UVRAG: variants seen among roughly 807,000 people sequenced by gnomAD.
The protein encoded by UVRAG is UV radiation resistance associated, also known as UV radiation resistance-associated gene protein.
A neutral mutation model predicts 78.0 loss-of-function variants in UVRAG; 19 were observed. The observed-to-expected ratio is 0.24, with a 90% CI of 0.17 to 0.36. UVRAG has a LOEUF of 0.36. Among genes scored for constraint, UVRAG ranks in the 10% least tolerant of loss-of-function variants. The probability of loss-of-function intolerance (pLI) is 1.00; values close to 1 mark genes in which losing one functional copy is unlikely to be tolerated. For missense variants in UVRAG, 740 were observed against 853.8 expected (o/e 0.87, Z 1.66); for synonymous variants, 323 against 324.6 (o/e 1.00, Z 0.05).
intron 6 of UVRAG, among the ~76,000 whole-genome samples, chr11:75,950,561 TA>T (rs1443042688): frequency 6.6e-6 from 1 of 152,194 alleles, no homozygotes; most frequent in Non-Finnish European, 1.5e-5. Flanking sequence ...GCCCACATTA[TA>T]CCTGAGAGTG....
chr11:76,006,054 T>A (rs1949931497), intron 9 of UVRAG, among the ~76,000 whole-genome samples: 1 of 152,182 alleles, frequency 6.6e-6, no homozygotes, highest in Middle Eastern at 3.4e-3. Context: ...ATCTCTTGGT[T>A]TTTCTAGTGA....
At chr11:75,848,916 C>G (rs997395360) in intron 1 of UVRAG, among the ~76,000 whole-genome samples, 7 of 152,166 alleles carry the variant, frequency 4.6e-5, no homozygotes, top group Non-Finnish European at 8.8e-5. Flanking sequence ...TGGTGGCTCA[C>G]AACTGTAATC....
At chr11:75,865,009 C>T (rs1257140248) in intron 3 of UVRAG, among the ~76,000 whole-genome samples, 3 of 152,070 alleles carry the variant, frequency 2.0e-5, no homozygotes, top group Non-Finnish European at 4.4e-5. Context: ...AAAAAGAGGC[C>T]GAGTGTGGTG....
At chr11:75,953,924 A>G (rs1339956788) in intron 6 of UVRAG, among the ~76,000 whole-genome samples, 2 of 152,198 alleles carry the variant, frequency 1.3e-5, no homozygotes, top group Non-Finnish European at 1.5e-5. Context: ...TTACTACATG[A>G]TATATATTTC....
chr11:76,053,170 G>A, intron 12 of UVRAG, among the ~76,000 whole-genome samples: 1 of 151,788 alleles, frequency 6.6e-6, no homozygotes, highest in East Asian at 1.9e-4. Flanking sequence ...GCTGGGTATG[G>A]TGGTGTACAC....
At chr11:76,008,432 T>A (rs913436352) in intron 10 of UVRAG, among the ~76,000 whole-genome samples, 1 of 152,224 alleles carries the variant, frequency 6.6e-6, no homozygotes, top group Non-Finnish European at 1.5e-5. Context: ...ATTTGATAGT[T>A]TTCTTTTTAA....
intron 5 of UVRAG, among the ~76,000 whole-genome samples, chr11:75,906,653 T>G (rs1184493264): frequency 6.6e-6 from 1 of 152,214 alleles, no homozygotes; most frequent in Non-Finnish European, 1.5e-5. Flanking sequence ...TGGCCAGCTT[T>G]ATGGTTTTAC....
intron 12 of UVRAG, among the ~76,000 whole-genome samples, chr11:76,060,800 G>A (rs187607953): frequency 5.3e-5 from 8 of 152,356 alleles, no homozygotes; most frequent in South Asian, 2.1e-4. Flanking sequence ...CTGCCTCCCC[G>A]TGGGGCAGGG....
At chr11:76,116,415 G>A (rs1057281424) in intron 14 of UVRAG, among the ~76,000 whole-genome samples, 1 of 152,220 alleles carries the variant, frequency 6.6e-6, no homozygotes, top group African/African-American at 2.4e-5. Flanking sequence ...GAGCATTAAA[G>A]GAAGAAAGCA....
At chr11:76,057,852 A>G (rs1217735304) in intron 12 of UVRAG, among the ~76,000 whole-genome samples, 1 of 152,114 alleles carries the variant, frequency 6.6e-6, no homozygotes, top group Non-Finnish European at 1.5e-5. Context: ...ATCATGGGGG[A>G]AAAATAGGGG....
Position 76,049,275 on chromosome 11 carries a change from A to G in UVRAG, c.1227-16435A>G, listed in dbSNP as rs534030401. On this transcript the variant is annotated intron_variant, in intron 12 of 14. Coordinates refer to ENST00000356136, the MANE Select transcript of UVRAG (RefSeq NM_003369.4). ...TTTTCAAAAACTTTCCAAATATTCTACCCACATTTATTTAAGCCCCAAAAG... is the reference window on the plus strand; with the variant it reads ...TTTTCAAAAACTTTCCAAATATTCTGCCCACATTTATTTAAGCCCCAAAAG... 3.9e-5 allele frequency among the ~76,000 whole-genome samples: 6 copies of G among 152,256 alleles called. No homozygotes were observed. The South Asian group carries it at 1.2e-3, about 32-fold the overall frequency.
chr11:75,964,787 T>C (rs559169814), intron 7 of UVRAG, among the ~76,000 whole-genome samples: 147 of 152,302 alleles, frequency 9.7e-4, no homozygotes, highest in African/African-American at 3.3e-3. Context: ...CATTGTTTTG[T>C]ATCACGTACG....
At chr11:75,919,276 T>C (rs1451820906) in intron 6 of UVRAG, among the ~76,000 whole-genome samples, 1 of 152,168 alleles carries the variant, frequency 6.6e-6, no homozygotes, top group African/African-American at 2.4e-5. Context: ...ATTGCAGTTA[T>C]ACAGAATACA....
At position 76,008,811 on chromosome 11, in the gene UVRAG, A is replaced by G; in HGVS notation, c.1004A>G (p.Glu335Gly). Residue 335 changes from glutamate (E) to glycine (G), a missense_variant, in exon 11 of 15, where the codon GAA becomes GGA. Transcript: ENST00000356136. ...ATTCTTTAATTAAATTCACAGAATG[A>G]ACATAAGGATTACTTTGTATGCGGT... ...LSYIYPIDLN[E>G]HKDYFVCGVK... The G allele has an allele frequency of 2.1e-6, 3 of 1,456,212 alleles. No homozygotes were observed. The highest frequency in any genetic ancestry group is 1.4e-5 in the South Asian group (1 of 72,918). The allele number at this position is 1,456,212 out of a possible 1,614,324, so 90.2% of individuals were successfully genotyped here. A position where few individuals can be genotyped will look rare whatever the true frequency, so the allele number is the denominator to read the frequency against.
rs112132674 is a variant in UVRAG, at chr11:76,043,862, C to G, written c.1227-21848C>G. ...GTGTAAGACCTGAGTTAGAATCCAGCTCTTTGTCACCTTAACCCTGGGCAA... is the reference window on the plus strand; with the variant it reads ...GTGTAAGACCTGAGTTAGAATCCAGGTCTTTGTCACCTTAACCCTGGGCAA... On this transcript the variant is annotated intron_variant, in intron 12 of 14. Coordinates refer to ENST00000356136, the MANE Select transcript of UVRAG (RefSeq NM_003369.4). 1.8e-3 allele frequency among the ~76,000 whole-genome samples: 272 copies of G among 152,314 alleles called. 1 individual carries two copies. Among genetic ancestry groups the G allele is most frequent in the African/African-American group, 6.3e-3 (261 of 41,572 alleles).
At chr11:75,891,325 G>A (rs1015349396) in intron 5 of UVRAG, among the ~76,000 whole-genome samples, 4 of 152,198 alleles carry the variant, frequency 2.6e-5, no homozygotes, top group Non-Finnish European at 5.9e-5. Context: ...TTATGGGATT[G>A]CTACTGCTGC....
chr11:76,021,381 C>G (rs998975149), intron 12 of UVRAG, among the ~76,000 whole-genome samples: 1 of 152,152 alleles, frequency 6.6e-6, no homozygotes, highest in Non-Finnish European at 1.5e-5. Flanking sequence ...TCCCCACTTT[C>G]ATTTCTCATT....
intron 12 of UVRAG, among the ~76,000 whole-genome samples, chr11:76,036,080 T>A (rs546079598): frequency 6.6e-6 from 1 of 152,318 alleles, no homozygotes; most frequent in Admixed American, 6.5e-5. Flanking sequence ...GGAAAGAGCT[T>A]TTTAAAGTTT....
chr11:75,935,997 T>C (rs573444941), intron 6 of UVRAG, among the ~76,000 whole-genome samples: 4 of 152,314 alleles, frequency 2.6e-5, no homozygotes, highest in African/African-American at 9.6e-5. Flanking sequence ...AATTTCTCAG[T>C]CTTTCCTTAA....
Sources: gnomAD v4.1 joint callset for allele counts (sites outside exome capture counted in the v4.1 genomes callset) on GRCh38, gnomAD v4.1.1 for gene constraint, MANE v1.5 for transcripts, NCBI Gene and HGNC (gene_info 2026-07-23, HGNC 2026-07-21) for gene names.